JPH3: variants seen among roughly 807,000 people sequenced by gnomAD.
The protein encoded by JPH3 is junctophilin 3, also known as junctophilin-3.
In JPH3, 11 loss-of-function variants were observed where a neutral mutation model predicts 59.6. That is an observed-to-expected ratio of 0.18 (90% CI 0.12 to 0.31). JPH3 has a LOEUF of 0.31. Among genes scored for constraint, JPH3 ranks in the 10% least tolerant of loss-of-function variants. The pLI is 1.00. For synonymous variants in JPH3, 673 were observed against 483.6 expected, an observed-to-expected ratio of 1.39 and a Z score of -5.14; for missense variants, 1,202 against 1,105.7, an observed-to-expected ratio of 1.09 and a Z score of -1.24.
intron 4 of JPH3, 147 bp downstream of exon 4, chr16:87,690,673 T>C (rs879083153): frequency 2.3e-6 from 2 of 874,962 alleles, no homozygotes; most frequent in South Asian, 7.8e-5. Context: ...CCGGGAGTGG[T>C]GGCCCTCAGG....
At chr16:87,688,933 G>A (rs2033485771) in intron 3 of JPH3, among the ~76,000 whole-genome samples, 2 of 152,136 alleles carry the variant, frequency 1.3e-5, no homozygotes, top group African/African-American at 2.4e-5. Flanking sequence ...GAAGTCTCGG[G>A]GCTAGTCCTA....
chr16:87,675,812 G>T (rs1451950472), intron 2 of JPH3, among the ~76,000 whole-genome samples: 1 of 152,236 alleles, frequency 6.6e-6, no homozygotes, highest in African/African-American at 2.4e-5. Flanking sequence ...AGGGGCTGGG[G>T]AGAGGACCAC....
chr16:87,642,422 A>G (rs1242358066), intron 1 of JPH3, among the ~76,000 whole-genome samples: 1 of 152,246 alleles, frequency 6.6e-6, no homozygotes, highest in Non-Finnish European at 1.5e-5. Context: ...CTCATTTTTC[A>G]GGAGACAGAA....
At chr16:87,641,832 C>T (rs1194423385) in intron 1 of JPH3, among the ~76,000 whole-genome samples, 2 of 152,272 alleles carry the variant, frequency 1.3e-5, no homozygotes, top group East Asian at 1.9e-4. Context: ...GCCTGCAACA[C>T]AAGTCCCTCT....
At chr16:87,673,079 GA>G (rs2033057389) in intron 2 of JPH3, among the ~76,000 whole-genome samples, 1 of 152,146 alleles carries the variant, frequency 6.6e-6, no homozygotes, top group Non-Finnish European at 1.5e-5. Flanking sequence ...CCAGGAGGCG[GA>G]GGTTGCAGTG....
At chr16:87,689,591 C>G (rs1172483210) in intron 3 of JPH3, 55 bp from the exon 4 acceptor site, 18 of 1,572,772 alleles carry the variant, frequency 1.1e-5, no homozygotes, top group East Asian at 4.7e-5. Flanking sequence ...ACCGCGGCCT[C>G]GCTGTGGAAT....
At chr16:87,646,195 G>C (rs182232298) in intron 2 of JPH3, among the ~76,000 whole-genome samples, 10 of 152,216 alleles carry the variant, frequency 6.6e-5, no homozygotes, top group African/African-American at 2.4e-4. Flanking sequence ...AGCCCTTCCC[G>C]ACCTGTCGCT....
intron 4 of JPH3, chr16:87,694,509 C>G (rs1299845460): frequency 6.6e-6 from 1 of 152,232 alleles, no homozygotes; most frequent in Non-Finnish European, 1.5e-5. Context: ...AGGGAGTTCT[C>G]CGGGCAAGGC....
chr16:87,662,797 C>T (rs2032746826), intron 2 of JPH3, among the ~76,000 whole-genome samples: 1 of 152,248 alleles, frequency 6.6e-6, no homozygotes, highest in African/African-American at 2.4e-5. Context: ...CCTCTTCCGT[C>T]TGTCTCCCTG....
intron 1 of JPH3, among the ~76,000 whole-genome samples, chr16:87,641,112 C>A (rs935993007): frequency 2.0e-5 from 3 of 152,218 alleles, no homozygotes; most frequent in African/African-American, 7.2e-5. Flanking sequence ...CTCCCCGTGC[C>A]CATCACAACT....
At chr16:87,604,210 G>T in intron 1 of JPH3, 1 of 1,430,364 alleles carries the variant, frequency 7.0e-7, no homozygotes, top group East Asian at 3.6e-5. Flanking sequence ...ACCATTAGTT[G>T]AGGGAATCGA....
In JPH3 at chr16:87,644,401, G is replaced by A. The variant is rs546917046; in HGVS notation, c.526G>A (p.Ala176Thr). ...GCGCAGCGAGCACACCAACGGCACG[G>A]CGCTGCATCCCGACGCCTCTCCGGC... The part of the protein sequence containing the change: ...SLRSEHTNGT[A>T]LHPDASPAVA... The change falls in exon 2 of 5, where the codon GCG becomes ACG. Residue 176 changes from alanine to threonine, a missense_variant. Transcript: ENST00000284262. 1.9e-6 allele frequency: 3 copies of A among 1,612,618 alleles called. No individual in the cohort carries two copies. Among genetic ancestry groups the A allele is most frequent in the Admixed American group, 1.7e-5 (1 of 60,002 alleles).
intron 1 of JPH3, among the ~76,000 whole-genome samples, chr16:87,633,888 A>G (rs963967303): frequency 6.7e-5 from 10 of 149,106 alleles, no homozygotes; most frequent in East Asian, 1.9e-4. Flanking sequence ...CTGAAAAACC[A>G]TAACCCCAAA....
chr16:87,643,894 C>G (rs529118903), intron 1 of JPH3, among the ~76,000 whole-genome samples: 100 of 152,300 alleles, frequency 6.6e-4, no homozygotes, highest in African/African-American at 2.4e-3. Flanking sequence ...AATCACAGCA[C>G]TTCTGGAGGC....
intron 1 of JPH3, among the ~76,000 whole-genome samples, chr16:87,605,709 C>G (rs1597230592): frequency 6.6e-6 from 1 of 152,182 alleles, no homozygotes; most frequent in East Asian, 1.9e-4. Flanking sequence ...CATGTCCATT[C>G]TACAGATGAG....
intron 2 of JPH3, among the ~76,000 whole-genome samples, chr16:87,660,630 C>T (rs995807295): frequency 1.3e-5 from 2 of 152,190 alleles, no homozygotes; most frequent in Non-Finnish European, 2.9e-5. Flanking sequence ...GAGGAAGCCA[C>T]AGCTCGGGGC....
intron 4 of JPH3, among the ~76,000 whole-genome samples, chr16:87,691,466 G>A (rs1403645533): frequency 6.6e-6 from 1 of 152,196 alleles, no homozygotes; most frequent in East Asian, 1.9e-4. Context: ...GACGCAGGGG[G>A]GTGTCCGCAG....
intron 2 of JPH3, among the ~76,000 whole-genome samples, chr16:87,682,758 G>C (rs549844212): frequency 1.0e-3 from 155 of 152,326 alleles, no homozygotes; most frequent in African/African-American, 3.6e-3. Flanking sequence ...CTCGGAGGGG[G>C]GATTTGTCGT....
chr16:87,639,028 C>G (rs1034060874), intron 1 of JPH3, among the ~76,000 whole-genome samples: 2 of 152,172 alleles, frequency 1.3e-5, no homozygotes, highest in Non-Finnish European at 2.9e-5. Context: ...GGTTCTAACG[C>G]TGCCGCTTCC....
Sources: gnomAD v4.1 joint callset for allele counts (sites outside exome capture counted in the v4.1 genomes callset) on GRCh38, gnomAD v4.1.1 for gene constraint, MANE v1.5 for transcripts, NCBI Gene and HGNC (gene_info 2026-07-23, HGNC 2026-07-21) for gene names.